SMIM3: variants seen among roughly 807,000 people sequenced by gnomAD.
The protein encoded by SMIM3 is NGF-induced differentiation clone 67 protein.
A neutral mutation model predicts 2.1 loss-of-function variants in SMIM3; 4 were observed. That is an observed-to-expected ratio of 1.89 (90% CI 0.93 to 4.31). The LOEUF (loss-of-function observed/expected upper bound fraction) is 4.31. Ranked by LOEUF, SMIM3 falls within the 30% of genes most tolerant of loss-of-function variation. The probability of loss-of-function intolerance (pLI) is 0.01; values close to 1 mark genes in which losing one functional copy is unlikely to be tolerated. For missense variants in SMIM3, 79 were observed against 77.7 expected, an observed-to-expected ratio of 1.02 and a Z score of -0.06; for synonymous variants, 29 against 30.8, an observed-to-expected ratio of 0.94 and a Z score of 0.19.
At chr5:150,782,969 A>G (rs1368518844) in intron 1 of SMIM3, among the ~76,000 whole-genome samples, 1 of 152,234 alleles carries the variant, frequency 6.6e-6, no homozygotes, top group East Asian at 1.9e-4. Flanking sequence ...CCTGATAGGA[A>G]AAAAGCCAAT....
intron 1 of SMIM3, among the ~76,000 whole-genome samples, chr5:150,791,195 A>G (rs1426454111): frequency 6.6e-6 from 1 of 152,166 alleles, no homozygotes; most frequent in Non-Finnish European, 1.5e-5. Flanking sequence ...CTATTTCCCT[A>G]CTTAATTCTA....
rs1037576356 is a variant in SMIM3, at chr5:150,778,842, G to C, written c.-142G>C. On this transcript the variant is annotated 5_prime_UTR_variant, in exon 1 of 2. Coordinates refer to ENST00000526627, the MANE Select transcript of SMIM3 (RefSeq NM_032947.5). ...GGAGGAGCCGGGGCACGTTCCAGGA[G>C]CTGCCTAGGGCTGAGGTTCCAGGCC... 2.9e-5 allele frequency: 14 copies of C among 479,826 alleles called. No homozygotes were observed. The Admixed American group carries it at 3.2e-4, about 11-fold the overall frequency. The allele number at this position is 479,826 out of a possible 1,614,324, so 29.7% of individuals were successfully genotyped here.
intron 1 of SMIM3, among the ~76,000 whole-genome samples, chr5:150,779,829 A>ACCCCCCC (rs5872180): frequency 5.3e-4 from 59 of 111,072 alleles, no homozygotes; most frequent in Admixed American, 8.6e-4. Flanking sequence ...GAAAGGTGTA[A>ACCCCCCC]CCCCCCCCGC....
chr5:150,786,720 A>T (rs1012952563), intron 1 of SMIM3, among the ~76,000 whole-genome samples: 3 of 152,160 alleles, frequency 2.0e-5, no homozygotes, highest in Non-Finnish European at 2.9e-5. Flanking sequence ...TGTCTGTCTG[A>T]TGACTCCAAT....
At chr5:150,788,870 G>GC (rs1753320552) in intron 1 of SMIM3, among the ~76,000 whole-genome samples, 1 of 152,096 alleles carries the variant, frequency 6.6e-6, no homozygotes, top group African/African-American at 2.4e-5. Context: ...TGATGGGATG[G>GC]CATGTTTGGT....
chr5:150,782,461 C>T (rs1000406452), intron 1 of SMIM3, among the ~76,000 whole-genome samples: 5 of 152,188 alleles, frequency 3.3e-5, no homozygotes, highest in Non-Finnish European at 7.3e-5. Flanking sequence ...CTGGTCCCTC[C>T]TCCCCACCTC....
At chr5:150,789,080 T>G (rs1753322176) in intron 1 of SMIM3, among the ~76,000 whole-genome samples, 1 of 152,318 alleles carries the variant, frequency 6.6e-6, no homozygotes, top group South Asian at 2.1e-4. Context: ...TTCTTATCAG[T>G]GATAGGCATA....
chr5:150,790,701 C>T (rs1343642165), intron 1 of SMIM3, among the ~76,000 whole-genome samples: 1 of 152,046 alleles, frequency 6.6e-6, no homozygotes, highest in East Asian at 1.9e-4. Context: ...TTGTTGAGTC[C>T]AGAGGTTCCC....
intron 1 of SMIM3, among the ~76,000 whole-genome samples, chr5:150,780,149 G>C (rs911699143): frequency 4.6e-5 from 7 of 152,186 alleles, no homozygotes; most frequent in African/African-American, 1.7e-4. Flanking sequence ...GGAGGTGGGA[G>C]CGGGAAGAAC....
intron 1 of SMIM3, among the ~76,000 whole-genome samples, chr5:150,793,230 A>AAAAT: frequency 6.6e-6 from 1 of 152,326 alleles, no homozygotes; most frequent in East Asian, 1.9e-4. Context: ...AAGTATTGTG[A>AAAAT]AAATAACCAT....
chr5:150,784,542 A>T (rs1372839026), intron 1 of SMIM3, among the ~76,000 whole-genome samples: 1 of 152,192 alleles, frequency 6.6e-6, no homozygotes, highest in Non-Finnish European at 1.5e-5. Context: ...GGTACCTAAA[A>T]ATAGAAAATC....
intron 1 of SMIM3, among the ~76,000 whole-genome samples, chr5:150,785,083 C>CTTTTTTTTTTTTTTTTT (rs35401611): frequency 2.2e-5 from 2 of 92,172 alleles, no homozygotes; most frequent in Non-Finnish European, 2.1e-5. Flanking sequence ...CTGAAAATGT[C>CTTTTTTTTTTTTTTTTT]TTTTTTTTTT....
chr5:150,788,504 G>A lies in SMIM3; in HGVS notation c.-11-6926G>A, dbSNP rs531145726. ...ACAAAAATTAGCCAGGTGTGGTGGCGCACACCTGTAGTCCCAGCTACTCAA... is the reference window on the plus strand; with the variant it reads ...ACAAAAATTAGCCAGGTGTGGTGGCACACACCTGTAGTCCCAGCTACTCAA... On this transcript the variant is annotated intron_variant, in intron 1 of 1. Coordinates refer to ENST00000526627, the MANE Select transcript of SMIM3 (RefSeq NM_032947.5). Among the ~76,000 whole-genome samples the A allele has an allele frequency of 5.7e-4, 87 of 151,498 alleles. 1 individual carries two copies. In the South Asian group the frequency reaches 0.017, roughly 29 times the overall value.
intron 1 of SMIM3, among the ~76,000 whole-genome samples, chr5:150,783,879 C>T (rs1397300356): frequency 4.6e-5 from 7 of 150,734 alleles, no homozygotes; most frequent in Admixed American, 4.6e-4. Flanking sequence ...GAAGCAGTCA[C>T]GGCACCCTAA....
intron 1 of SMIM3, among the ~76,000 whole-genome samples, chr5:150,782,562 G>A (rs892331432): frequency 4.6e-5 from 7 of 152,136 alleles, no homozygotes; most frequent in African/African-American, 1.4e-4. Flanking sequence ...AGAGGGCTTC[G>A]TTCTGAAAGG....
At chr5:150,789,610 C>T (rs562539227) in intron 1 of SMIM3, among the ~76,000 whole-genome samples, 11 of 152,122 alleles carry the variant, frequency 7.2e-5, no homozygotes, top group African/African-American at 1.7e-4. Flanking sequence ...CCCAGGGGGT[C>T]GAGGGGAAAC....
chr5:150,782,222 T>C (rs1350512975), intron 1 of SMIM3, among the ~76,000 whole-genome samples: 3 of 152,204 alleles, frequency 2.0e-5, no homozygotes, highest in Non-Finnish European at 2.9e-5. Context: ...CTCTGGCCCC[T>C]TTATTTGGAC....
At chr5:150,784,811 T>C (rs1453193973) in intron 1 of SMIM3, among the ~76,000 whole-genome samples, 1 of 152,216 alleles carries the variant, frequency 6.6e-6, no homozygotes, top group Non-Finnish European at 1.5e-5. Flanking sequence ...CTGTGCTTTC[T>C]ATTTGTCCCC....
At position 150,778,947 on chromosome 5, in the gene SMIM3, T is replaced by C. The variant is rs767157470; in HGVS notation, c.-37T>C. The stretch of plus-strand genomic sequence containing the variant: ...ACCGAGCCATCCCTGACCCAGGAAC[T>C]TTCCGCAGACTCGCCGCCATCTGGG... On this transcript the variant is annotated 5_prime_UTR_variant, in exon 1 of 2. Coordinates refer to ENST00000526627, the MANE Select transcript of SMIM3 (RefSeq NM_032947.5). 14 of 515,364 alleles carry C rather than the reference T, an allele frequency of 2.7e-5. No individual in the cohort carries two copies. The highest frequency in any genetic ancestry group is 3.4e-4 in the Middle Eastern group (1 of 2,944). 31.9% of individuals were successfully genotyped at this position (515,364 alleles called of 1,614,324 possible).
Sources: allele counts gnomAD v4.1 joint callset (sites outside exome capture counted in the v4.1 genomes callset), GRCh38; gene constraint gnomAD v4.1.1; transcripts MANE v1.5; gene names NCBI Gene and HGNC (gene_info 2026-07-23, HGNC 2026-07-21).